Variants in SLC25A21 observed in about 807,000 individuals in gnomAD.
The protein encoded by SLC25A21 is solute carrier family 25 member 21, also known as mitochondrial 2-oxodicarboxylate carrier.
Under a neutral mutation model 43.8 loss-of-function variants are expected in SLC25A21, and 47 were observed. The observed-to-expected ratio is 1.07, with a 90% CI of 0.85 to 1.37. The LOEUF is 1.37. Ranked by LOEUF, SLC25A21 falls within the 40% of genes most tolerant of loss-of-function variation. The pLI, the probability that SLC25A21 is intolerant of heterozygous loss-of-function variation, is 0.00. For missense variants in SLC25A21, 352 were observed against 350.2 expected, an observed-to-expected ratio of 1.00 and a Z score of -0.04; for synonymous variants, 131 against 121.3, an observed-to-expected ratio of 1.08 and a Z score of -0.52.
chr14:36,995,332 G>T (rs1286469066), intron 1 of SLC25A21, among the ~76,000 whole-genome samples: 3 of 152,118 alleles, frequency 2.0e-5, no homozygotes, highest in Admixed American at 2.0e-4. Context: ...TATCTGGTCA[G>T]TCTGTTGGTC....
intron 2 of SLC25A21, among the ~76,000 whole-genome samples, chr14:36,864,738 T>C (rs1890165313): frequency 6.6e-6 from 1 of 152,160 alleles, no homozygotes; most frequent in Admixed American, 6.5e-5. Flanking sequence ...CCTTGTTTGT[T>C]TTACTTCAGA....
intron 7 of SLC25A21, among the ~76,000 whole-genome samples, chr14:36,694,647 T>C: frequency 6.6e-6 from 1 of 152,250 alleles, no homozygotes. Context: ...TGATTTGCAT[T>C]TCTCTGATGA....
At chr14:37,166,322 C>G (rs1254276452) in intron 1 of SLC25A21, among the ~76,000 whole-genome samples, 1 of 152,212 alleles carries the variant, frequency 6.6e-6, no homozygotes, top group Non-Finnish European at 1.5e-5. Flanking sequence ...GAGCAAGGTA[C>G]TACTTAATGG....
intron 1 of SLC25A21, among the ~76,000 whole-genome samples, chr14:37,036,063 T>C (rs1961319878): frequency 6.6e-6 from 1 of 152,214 alleles, no homozygotes; most frequent in Non-Finnish European, 1.5e-5. Flanking sequence ...AGAATTTTTA[T>C]GGCTTTTACT....
At chr14:37,049,718 TAAAA>T (rs1054139353) in intron 1 of SLC25A21, among the ~76,000 whole-genome samples, 3 of 152,136 alleles carry the variant, frequency 2.0e-5, no homozygotes, top group African/African-American at 4.8e-5. Flanking sequence ...GTAGCCACAC[TAAAA>T]AAAGAAATAG....
chr14:36,970,948 T>C (rs945925873), intron 1 of SLC25A21, among the ~76,000 whole-genome samples: 3 of 152,224 alleles, frequency 2.0e-5, no homozygotes, highest in African/African-American at 7.2e-5. Flanking sequence ...TGTTTATATA[T>C]TCATTTGTAC....
chr14:36,734,818 G>A (rs1884969324), intron 3 of SLC25A21, among the ~76,000 whole-genome samples: 1 of 152,116 alleles, frequency 6.6e-6, no homozygotes, highest in Non-Finnish European at 1.5e-5. Context: ...ACCATTAGTT[G>A]TACCTTAACG....
chr14:37,063,790 T>C (rs1006254085), intron 1 of SLC25A21, among the ~76,000 whole-genome samples: 1 of 152,108 alleles, frequency 6.6e-6, no homozygotes, highest in Admixed American at 6.5e-5. Context: ...ACCCAAAAGA[T>C]GTTGGCCTTG....
At chr14:36,996,832 A>G (rs991892519) in intron 1 of SLC25A21, among the ~76,000 whole-genome samples, 1 of 152,184 alleles carries the variant, frequency 6.6e-6, no homozygotes, top group Non-Finnish European at 1.5e-5. Flanking sequence ...GTGGTGACAA[A>G]TATGTACAGA....
chr14:36,812,280 T>TTGAGAG (rs1202321114), intron 3 of SLC25A21, among the ~76,000 whole-genome samples: 1 of 152,056 alleles, frequency 6.6e-6, no homozygotes, highest in East Asian at 1.9e-4. Flanking sequence ...TATAATGTAT[T>TTGAGAG]TGAGAGTGTG....
At chr14:36,775,635 G>T (rs920481875) in intron 3 of SLC25A21, among the ~76,000 whole-genome samples, 6 of 152,126 alleles carry the variant, frequency 3.9e-5, no homozygotes, top group Non-Finnish European at 2.9e-5. Flanking sequence ...GAAAGGATAA[G>T]AGTCTTTTAT....
At chr14:36,976,113 A>C (rs1299712738) in intron 1 of SLC25A21, among the ~76,000 whole-genome samples, 1 of 152,180 alleles carries the variant, frequency 6.6e-6, no homozygotes, top group Non-Finnish European at 1.5e-5. Context: ...CCATCCCTTG[A>C]CTAAGAGGCC....
intron 1 of SLC25A21, among the ~76,000 whole-genome samples, chr14:36,973,544 G>A (rs1374492563): frequency 6.6e-6 from 1 of 152,216 alleles, no homozygotes; most frequent in Non-Finnish European, 1.5e-5. Flanking sequence ...ATGGAAAGGT[G>A]TTCAGCAGGG....
chr14:37,105,116 A>G (rs1962886846), intron 1 of SLC25A21, among the ~76,000 whole-genome samples: 1 of 152,200 alleles, frequency 6.6e-6, no homozygotes, highest in Non-Finnish European at 1.5e-5. Context: ...AATTCCAGAT[A>G]GAAGTCAGAG....
intron 2 of SLC25A21, among the ~76,000 whole-genome samples, chr14:36,816,497 CTTTTTT>C (rs373274280): frequency 1.5e-5 from 2 of 131,834 alleles, no homozygotes; most frequent in African/African-American, 2.8e-5. Flanking sequence ...ATATTCTCCT[CTTTTTT>C]TTTTTTTTTT....
intron 3 of SLC25A21, 126 bp from the exon 4 acceptor site, chr14:36,734,699 T>C (rs557255274): frequency 3.0e-6 from 2 of 676,478 alleles, no homozygotes; most frequent in Non-Finnish European, 5.1e-6. Context: ...GAAGTCTTCC[T>C]TTCATTCTAA....
chr14:36,785,166 T>C (rs530157370), intron 3 of SLC25A21, among the ~76,000 whole-genome samples: 1 of 152,190 alleles, frequency 6.6e-6, no homozygotes, highest in African/African-American at 2.4e-5. Context: ...GGGAAATCCA[T>C]GTGAGGCCTG....
chr14:37,060,862 C>G (rs1189138417), intron 1 of SLC25A21, among the ~76,000 whole-genome samples: 1 of 152,068 alleles, frequency 6.6e-6, no homozygotes, highest in African/African-American at 2.4e-5. Flanking sequence ...AGCCCGGAAG[C>G]CAGTGGGTTA....
intron 3 of SLC25A21, among the ~76,000 whole-genome samples, chr14:36,761,468 G>A (rs1032475165): frequency 2.0e-5 from 3 of 152,202 alleles, no homozygotes; most frequent in Non-Finnish European, 4.4e-5. Context: ...TTGAGTTGCA[G>A]AGACTGCTAT....
Sources: allele counts gnomAD v4.1 joint callset (sites outside exome capture counted in the v4.1 genomes callset), GRCh38; gene constraint gnomAD v4.1.1; transcripts MANE v1.5; gene names NCBI Gene and HGNC (gene_info 2026-07-23, HGNC 2026-07-21).